Variants in KAZN observed in about 807,000 individuals in gnomAD.
The protein encoded by KAZN is kazrin.
In KAZN, 40 loss-of-function variants were observed where a neutral mutation model predicts 87.4. The observed-to-expected ratio is 0.46, with a 90% CI of 0.36 to 0.60. The LOEUF (loss-of-function observed/expected upper bound fraction) is 0.60, where lower values mean the gene tolerates loss of function less well. KAZN is among the 20% of genes least tolerant of loss of function. The probability of loss-of-function intolerance (pLI) is 0.00; values close to 1 mark genes in which losing one functional copy is unlikely to be tolerated. For missense variants in KAZN, 898 were observed against 1,073.9 expected (o/e 0.84, Z 2.29); for synonymous variants, 466 against 458.3 (o/e 1.02, Z -0.22).
At chr1:14,553,846 A>G (rs917052752) in intron 2 of KAZN, among the ~76,000 whole-genome samples, 1 of 152,106 alleles carries the variant, frequency 6.6e-6, no homozygotes, top group African/African-American at 2.4e-5. Flanking sequence ...GAAATGACCA[A>G]TCCTGGGCCT....
At chr1:15,112,350 TGTGTGTGTGTGTG>T in intron 13 of KAZN, 64 bp from the exon 14 acceptor site, 1 of 722,942 alleles carries the variant, frequency 1.4e-6, no homozygotes, top group Non-Finnish European at 2.5e-6. Context: ...TGTGTGTGTG[TGTGTGTGTGTGTG>T]TGTGTGTGTG....
intron 2 of KAZN, among the ~76,000 whole-genome samples, chr1:14,478,410 G>T (rs1668891043): frequency 6.6e-6 from 1 of 152,120 alleles, no homozygotes; most frequent in Admixed American, 6.5e-5. Context: ...ATAAATGAAA[G>T]GTTGGACGGA....
intron 1 of KAZN, among the ~76,000 whole-genome samples, chr1:14,903,686 G>A (rs1656183200): frequency 6.6e-6 from 1 of 152,152 alleles, no homozygotes; most frequent in Non-Finnish European, 1.5e-5. Flanking sequence ...ACCATCCCTG[G>A]GTACAGGCTT....
chr1:13,989,252 G>C (rs1272917330), intron 1 of KAZN, among the ~76,000 whole-genome samples: 1 of 152,028 alleles, frequency 6.6e-6, no homozygotes. Flanking sequence ...GTAGGCTTTT[G>C]GGGGGACACA....
At chr1:14,577,926 G>A (rs1022101473) in intron 2 of KAZN, among the ~76,000 whole-genome samples, 10 of 152,110 alleles carry the variant, frequency 6.6e-5, no homozygotes, top group East Asian at 1.9e-4. Context: ...TGGGACCCAC[G>A]GTCTAACTGT....
intron 5 of KAZN, among the ~76,000 whole-genome samples, chr1:15,058,541 G>A (rs1392649895): frequency 3.9e-5 from 6 of 152,172 alleles, no homozygotes; most frequent in Non-Finnish European, 8.8e-5. Context: ...AACCTGCTGG[G>A]GACTTGGAAG....
chr1:14,545,461 G>A (rs1363616724), intron 2 of KAZN, among the ~76,000 whole-genome samples: 1 of 152,138 alleles, frequency 6.6e-6, no homozygotes, highest in African/African-American at 2.4e-5. Context: ...GTTATTTAAT[G>A]TCTCTGTACC....
intron 2 of KAZN, among the ~76,000 whole-genome samples, chr1:14,473,621 G>A (rs1176733118): frequency 1.4e-5 from 2 of 146,420 alleles, no homozygotes; most frequent in East Asian, 2.0e-4. Context: ...CCTTGGGACA[G>A]AGAGAGACTC....
intron 1 of KAZN, among the ~76,000 whole-genome samples, chr1:14,917,026 C>G (rs551442056): frequency 6.6e-6 from 1 of 152,132 alleles, no homozygotes; most frequent in African/African-American, 2.4e-5. Context: ...CTGTTCTGCC[C>G]GAGGACTGGG....
chr1:14,952,878 G>A (rs1056818304), intron 1 of KAZN, among the ~76,000 whole-genome samples: 9 of 152,286 alleles, frequency 5.9e-5, no homozygotes, highest in African/African-American at 1.9e-4. Context: ...AGAACCTTCC[G>A]GAGAGTTTCC....
At chr1:13,966,136 T>C (rs1476547165) in intron 1 of KAZN, among the ~76,000 whole-genome samples, 2 of 151,960 alleles carry the variant, frequency 1.3e-5, no homozygotes, top group East Asian at 3.9e-4. Flanking sequence ...AAGCCCTACC[T>C]ATTTCTCTCC....
chr1:14,887,376 TG>T (rs1654188391), intron 1 of KAZN, among the ~76,000 whole-genome samples: 1 of 152,194 alleles, frequency 6.6e-6, no homozygotes, highest in South Asian at 2.1e-4. Context: ...AGATGTGGCA[TG>T]GGCTGCCGCT....
At chr1:14,525,374 G>A (rs1227937402) in intron 2 of KAZN, among the ~76,000 whole-genome samples, 1 of 152,196 alleles carries the variant, frequency 6.6e-6, no homozygotes, top group Non-Finnish European at 1.5e-5. Context: ...TACTGTGTGA[G>A]GCTTTTGAAC....
At chr1:14,612,525 G>A (rs1433686096) in intron 1 of KAZN, among the ~76,000 whole-genome samples, 2 of 152,190 alleles carry the variant, frequency 1.3e-5, no homozygotes, top group East Asian at 1.9e-4. Flanking sequence ...TTCAGATCCT[G>A]GTGATATGAT....
chr1:15,112,649 G>A (rs1421072878), intron 14 of KAZN, 108 bp downstream of exon 14: 3 of 637,340 alleles, frequency 4.7e-6, no homozygotes, highest in Non-Finnish European at 8.1e-6. Flanking sequence ...AAGGTGGAGT[G>A]CCAGGCCGGG....
intron 2 of KAZN, among the ~76,000 whole-genome samples, chr1:14,567,791 G>A (rs1250126857): frequency 6.6e-6 from 1 of 152,078 alleles, no homozygotes; most frequent in East Asian, 1.9e-4. Context: ...CTTCCTAGAT[G>A]TCACCTCATC....
At chr1:14,131,351 G>A (rs1644988473) in intron 1 of KAZN, among the ~76,000 whole-genome samples, 1 of 152,084 alleles carries the variant, frequency 6.6e-6, no homozygotes, top group Non-Finnish European at 1.5e-5. Context: ...ACTGTCACTG[G>A]TCACCTCTTA....
intron 1 of KAZN, among the ~76,000 whole-genome samples, chr1:14,161,777 C>G (rs1243256828): frequency 6.6e-6 from 1 of 152,174 alleles, no homozygotes; most frequent in Non-Finnish European, 1.5e-5. Flanking sequence ...CCTTCCATCT[C>G]CAAACCCCCC....
intron 1 of KAZN, among the ~76,000 whole-genome samples, chr1:13,951,930 C>G (rs1006436494): frequency 6.6e-6 from 1 of 152,138 alleles, no homozygotes; most frequent in African/African-American, 2.4e-5. Context: ...CCTAGCTGTG[C>G]TATTTATTAT....
Sources: allele counts gnomAD v4.1 joint callset (sites outside exome capture counted in the v4.1 genomes callset), GRCh38; gene constraint gnomAD v4.1.1; transcripts MANE v1.5; gene names NCBI Gene and HGNC (gene_info 2026-07-23, HGNC 2026-07-21).